Variants in ST7L observed in about 807,000 individuals in gnomAD.
ST7L encodes suppression of tumorigenicity 7 like.
ST7L carries 57 observed loss-of-function variants against 72.5 expected under a neutral mutation model. The ratio of observed to expected loss-of-function variants is 0.79; its 90% CI spans 0.64 to 0.98. The LOEUF (loss-of-function observed/expected upper bound fraction) is 0.98. Among genes scored for constraint, ST7L ranks in the 50% least tolerant of loss-of-function variants. The pLI is 0.00. For missense variants in ST7L, 576 were observed against 672.2 expected (o/e 0.86, Z 1.58); for synonymous variants, 221 against 240.9 (o/e 0.92, Z 0.77).
intron 2 of ST7L, 45 bp downstream of exon 2, chr1:112,616,768 T>C: frequency 7.1e-7 from 1 of 1,408,378 alleles, no homozygotes; most frequent in Non-Finnish European, 9.8e-7. Flanking sequence ...AAAATATCTT[T>C]AGATAAACAC....
intron 6 of ST7L, among the ~76,000 whole-genome samples, chr1:112,588,435 G>A (rs189830542): frequency 2.4e-4 from 36 of 152,248 alleles, no homozygotes; most frequent in Admixed American, 2.1e-3. Context: ...TTTTTCAGAC[G>A]TTCTTGAGGA....
At chr1:112,565,375 T>C (rs1186409052) in intron 11 of ST7L, among the ~76,000 whole-genome samples, 2 of 151,812 alleles carry the variant, frequency 1.3e-5, no homozygotes, top group African/African-American at 4.8e-5. Flanking sequence ...CCAGCCAAAA[T>C]AGTAACTTTT....
chr1:112,544,744 C>T (rs1245413112), intron 13 of ST7L, among the ~76,000 whole-genome samples: 1 of 152,164 alleles, frequency 6.6e-6, no homozygotes, highest in East Asian at 1.9e-4. Context: ...AGTATTCTCA[C>T]TTTATAAGGT....
intron 5 of ST7L, among the ~76,000 whole-genome samples, chr1:112,594,569 G>A (rs1457936350): frequency 1.3e-5 from 2 of 152,214 alleles, no homozygotes; most frequent in African/African-American, 2.4e-5. Context: ...TTAGCAAGGA[G>A]TAATAAAGGT....
At chr1:112,535,904 G>A (rs371479620) in intron 14 of ST7L, among the ~76,000 whole-genome samples, 15 of 152,228 alleles carry the variant, frequency 9.9e-5, no homozygotes, top group African/African-American at 3.4e-4. Context: ...AGGAGGTAGA[G>A]AACGTCTTTT....
intron 14 of ST7L, chr1:112,528,273 A>G (rs1653787835): frequency 2.0e-5 from 3 of 152,200 alleles, no homozygotes; most frequent in African/African-American, 7.2e-5. Context: ...CAAGCAATAT[A>G]TAAGGAATTT....
intron 13 of ST7L, among the ~76,000 whole-genome samples, chr1:112,543,226 A>G (rs1025647741): frequency 2.6e-5 from 4 of 152,208 alleles, no homozygotes; most frequent in Non-Finnish European, 5.9e-5. Context: ...ATGTGTTTAT[A>G]TATGTGGCAT....
intron 5 of ST7L, among the ~76,000 whole-genome samples, chr1:112,596,970 A>C (rs765746238): frequency 1.8e-4 from 28 of 152,196 alleles, no homozygotes; most frequent in Non-Finnish European, 3.5e-4. Flanking sequence ...AAATATTAAT[A>C]TTTACATTAT....
chr1:112,612,771 C>T (rs1669272994), intron 2 of ST7L, among the ~76,000 whole-genome samples: 1 of 152,028 alleles, frequency 6.6e-6, no homozygotes, highest in Non-Finnish European at 1.5e-5. Flanking sequence ...TTTACACAAG[C>T]AGAAACTGTT....
At chr1:112,550,459 A>G in intron 13 of ST7L, 142 bp downstream of exon 13, 1 of 544,874 alleles carries the variant, frequency 1.8e-6, no homozygotes, top group South Asian at 3.1e-5. Context: ...TGAATTATAC[A>G]ACTACATCCC....
In ST7L at chr1:112,565,211, A is replaced by ATTTT. The variant is rs777969643; in HGVS notation, c.1246-9197_1246-9194dup. On this transcript the variant is annotated intron_variant, in intron 11 of 14. Transcript: ENST00000358039. ...AGGCGCCCACCACCATGTTCGGCTA[A>ATTTT]TTTTTTTTTTTTTTTTTTTTTTTTT... 1.4e-3 allele frequency among the ~76,000 whole-genome samples: 79 copies of ATTTT among 57,948 alleles called. 8 individuals are homozygous for ATTTT. The highest frequency in any genetic ancestry group is 4.1e-3 in the African/African-American group (48 of 11,648). The allele number at this position is 57,948 out of a possible 152,430, so 38.0% of individuals were successfully genotyped here. A position where few individuals can be genotyped will look rare whatever the true frequency, so the allele number is the denominator to read the frequency against.
At chr1:112,539,165 A>C (rs1424517531) in intron 14 of ST7L, 1 of 152,148 alleles carries the variant, frequency 6.6e-6, no homozygotes, top group African/African-American at 2.4e-5. Context: ...TCACCTGGGG[A>C]TCTTGTTAAA....
At chr1:112,557,409 G>A (rs900193868) in intron 11 of ST7L, among the ~76,000 whole-genome samples, 35 of 152,040 alleles carry the variant, frequency 2.3e-4, no homozygotes, top group African/African-American at 8.0e-4. Flanking sequence ...AGCATGCATG[G>A]GTACTTGTGC....
intron 11 of ST7L, among the ~76,000 whole-genome samples, chr1:112,557,652 GTAT>G (rs1266205866): frequency 6.6e-6 from 1 of 152,178 alleles, no homozygotes; most frequent in African/African-American, 2.4e-5. Flanking sequence ...TGTTTAGGAA[GTAT>G]TATGATTTAG....
At chr1:112,543,617 C>T (rs1656559130) in intron 13 of ST7L, among the ~76,000 whole-genome samples, 2 of 151,864 alleles carry the variant, frequency 1.3e-5, no homozygotes, top group South Asian at 4.2e-4. Flanking sequence ...GTCTGTAATC[C>T]CAGCACTTTG....
At chr1:112,558,663 C>T (rs982830801) in intron 11 of ST7L, among the ~76,000 whole-genome samples, 1 of 152,130 alleles carries the variant, frequency 6.6e-6, no homozygotes, top group Non-Finnish European at 1.5e-5. Context: ...TTAACATTTC[C>T]CATTCAGTTT....
Position 112,617,715 on chromosome 1 carries a change from TCTCACA to T in ST7L, c.206-826_206-821del, listed in dbSNP as rs1346790137. 5.5e-3 allele frequency among the ~76,000 whole-genome samples: 675 copies of T among 123,136 alleles called. 8 individuals are homozygous for T. The highest frequency in any genetic ancestry group is 0.022 in the South Asian group (89 of 4,012). The allele number at this position is 123,136 out of a possible 152,430, so 80.8% of individuals were successfully genotyped here. ...GGGAGACTCTGTCTGTCTTTCTCTC[TCTCACA>T]CACACACACACACACACACACACAC... On this transcript the variant is annotated intron_variant, in intron 1 of 14. Coordinates refer to ENST00000358039, the MANE Select transcript of ST7L (RefSeq NM_017744.5).
At chr1:112,592,237 T>TA (rs1000106643) in intron 5 of ST7L, among the ~76,000 whole-genome samples, 4 of 152,184 alleles carry the variant, frequency 2.6e-5, no homozygotes, top group Non-Finnish European at 4.4e-5. Flanking sequence ...TCACAGTAAG[T>TA]AAAGTTTTCT....
rs747684276 is a variant in ST7L, at chr1:112,582,030, G to C, written c.1031C>G (p.Ala344Gly). 6.2e-7 allele frequency: 1 copy of C among 1,613,264 alleles called. No homozygotes were observed. The highest frequency in any genetic ancestry group is 8.5e-7 in the Non-Finnish European group (1 of 1,179,478). The change falls in exon 9 of 15, where the codon GCC (alanine) becomes GGC (glycine). Residue 344 changes from alanine to glycine, a missense_variant. By Grantham distance (60) the Ala-to-Gly change is moderately conservative. Transcript: ENST00000358039. ...NLLESLLELQ[A>G]YPDVQAVLAK... is the part of the protein sequence containing the mutation. ...TAGGACTGCCTGAACATCTGGATAG[G>C]CCTGTAATTCTAAAAGTGATTCTAA... is the stretch of plus-strand genomic sequence containing the variant.
Sources: gnomAD v4.1 joint callset for allele counts (sites outside exome capture counted in the v4.1 genomes callset) on GRCh38, gnomAD v4.1.1 for gene constraint, MANE v1.5 for transcripts, NCBI Gene and HGNC (gene_info 2026-07-23, HGNC 2026-07-21) for gene names.